TRIM27: variants seen among roughly 807,000 people sequenced by gnomAD.
The protein encoded by TRIM27 is zinc finger protein RFP.
In TRIM27, 12 loss-of-function variants were observed where a neutral mutation model predicts 57.6. The ratio of observed to expected loss-of-function variants is 0.21; its 90% confidence interval spans 0.13 to 0.34. TRIM27 has a LOEUF of 0.34. Ranked by LOEUF, TRIM27 falls within the 10% of genes least tolerant of loss-of-function variation. The pLI is 1.00. For missense variants in TRIM27, 403 were observed against 656.8 expected (o/e 0.61, Z 4.22); for synonymous variants, 266 against 259.0 (o/e 1.03, Z -0.26).
chr6:28,914,323 C>T (rs1177094548), intron 3 of TRIM27, among the ~76,000 whole-genome samples: 13 of 151,540 alleles, frequency 8.6e-5, no homozygotes, highest in South Asian at 6.2e-4. Context: ...TTAATAGCGA[C>T]GGGGTTTTGC....
intron 3 of TRIM27, among the ~76,000 whole-genome samples, chr6:28,914,187 G>C (rs949957399): frequency 2.7e-5 from 4 of 148,994 alleles, no homozygotes; most frequent in African/African-American, 7.5e-5. Flanking sequence ...CCAGGCTGGA[G>C]TGAAATGGTG....
intron 5 of TRIM27, 42 bp downstream of exon 5, chr6:28,908,931 G>A (rs370557223): frequency 6.9e-5 from 110 of 1,599,044 alleles, no homozygotes; most frequent in Non-Finnish European, 9.3e-5. Context: ...CAGATACTCA[G>A]TATAAATCCA....
chr6:28,916,269 T>C (rs1267110188), intron 3 of TRIM27, among the ~76,000 whole-genome samples: 2 of 151,820 alleles, frequency 1.3e-5, no homozygotes, highest in African/African-American at 4.8e-5. Context: ...TGCTAAGTGA[T>C]AGGCCGGGCG....
chr6:28,912,158 G>T (rs959531807), intron 3 of TRIM27, among the ~76,000 whole-genome samples: 11 of 148,448 alleles, frequency 7.4e-5, no homozygotes, highest in African/African-American at 2.7e-4. Flanking sequence ...AGCCCAGGCT[G>T]GAGTGCAATG....
In TRIM27 at chr6:28,920,198, C is replaced by T; in HGVS notation, c.561G>A (p.Glu187=). The T allele has an allele frequency of 1.2e-6, 2 of 1,613,256 alleles. No individual in the cohort carries two copies. Among genetic ancestry groups the T allele is most frequent in the Non-Finnish European group, 1.7e-6 (2 of 1,179,346 alleles). ...GCTCCTTTAAGGAGTGATACAGCTG[C>T]TCAAACTCCCAAACAATCTTCTCCC... The part of the protein sequence containing the change: ...MEREKIVWEF[E]QLYHSLKEHE... The change falls in exon 3 of 8, where the codon GAG becomes GAA. Residue 187 remains glutamate, a synonymous_variant. Transcript: ENST00000377199.
intron 6 of TRIM27, chr6:28,907,732 ATTATCCCACTAAGACT>A (rs1562151766): frequency 2.5e-6 from 1 of 401,992 alleles, no homozygotes; most frequent in Admixed American, 3.5e-5. Context: ...TTTCTCACAC[ATTATCCCACTAAGACT>A]TTTAAGTGGC....
At chr6:28,911,590 G>T in intron 4 of TRIM27, 106 bp downstream of exon 4, 2 of 1,131,366 alleles carry the variant, frequency 1.8e-6, no homozygotes, top group South Asian at 1.4e-5. Context: ...GTGTCAATTT[G>T]ATAAGATGTC....
At chr6:28,921,186 G>A (rs1454326006) in intron 2 of TRIM27, among the ~76,000 whole-genome samples, 8 of 152,052 alleles carry the variant, frequency 5.3e-5, no homozygotes, top group Non-Finnish European at 1.2e-4. Flanking sequence ...TTCGAGACCA[G>A]CCTAACCAAC....
At chr6:28,918,808 G>A (rs1410149069) in intron 3 of TRIM27, among the ~76,000 whole-genome samples, 1 of 151,788 alleles carries the variant, frequency 6.6e-6, no homozygotes, top group Non-Finnish European at 1.5e-5. Flanking sequence ...CCCAGGAGGC[G>A]GAGGTTGCAG....
chr6:28,904,760 T>C lies in TRIM27; in HGVS notation c.947-95A>G. On this transcript the variant is annotated intron_variant, in intron 7 of 7. Coordinates refer to ENST00000377199, the MANE Select transcript of TRIM27 (RefSeq NM_006510.5). The surrounding 1 kb of genome is among the most constrained non-coding windows in gnomAD (Gnocchi z 6.1). ...CTACTACCTCCCCAATAATAAGAGG[T>C]TCCCACTGGAGGTTGCACGTATTTT... The C allele has an allele frequency of 1.2e-6, 1 of 824,882 alleles. No individual in the cohort carries two copies. Among genetic ancestry groups the C allele is most frequent in the Non-Finnish European group, 1.9e-6 (1 of 540,238 alleles). 51.1% of individuals were successfully genotyped at this position (824,882 alleles called of 1,614,324 possible).
In TRIM27 at chr6:28,908,273, T is replaced by C. The variant is rs116339535; in HGVS notation, c.919+535A>G. ...CCTCAGGAGGTAAGAACTATTACTG[T>C]TCTGTTACAGATGAGGAAATTACTT... On this transcript the variant is annotated intron_variant, in intron 6 of 7. Transcript: ENST00000377199. The C allele has an allele frequency of 5.5e-3, 860 of 156,646 alleles. 6 individuals are homozygous for C. The highest frequency in any genetic ancestry group is 0.019 in the African/African-American group (779 of 41,598). The allele number at this position is 156,646 out of a possible 1,614,324, so 9.7% of individuals were successfully genotyped here. A position where few individuals can be genotyped will look rare whatever the true frequency, so the allele number is the denominator to read the frequency against.
intron 2 of TRIM27, 138 bp downstream of exon 2, chr6:28,921,754 C>T: frequency 2.8e-6 from 2 of 718,294 alleles, no homozygotes; most frequent in Non-Finnish European, 4.9e-6. Context: ...CGGGTGAGTT[C>T]CCACTGCCAT....
chr6:28,913,027 G>A (rs953175829), intron 3 of TRIM27, among the ~76,000 whole-genome samples: 11 of 151,952 alleles, frequency 7.2e-5, no homozygotes, highest in Admixed American at 1.3e-4. Flanking sequence ...AGGTCCAGGC[G>A]GGCGGATCAC....
chr6:28,908,897 T>C (rs1255766724), intron 5 of TRIM27, 57 bp from the exon 6 acceptor site: 6 of 1,608,526 alleles, frequency 3.7e-6, no homozygotes, highest in Non-Finnish European at 5.1e-6. Context: ...GGCTGGAAAA[T>C]TATCCTCTTC....
At chr6:28,916,303 A>G (rs779418539) in intron 3 of TRIM27, among the ~76,000 whole-genome samples, 1 of 152,070 alleles carries the variant, frequency 6.6e-6, no homozygotes, top group Non-Finnish European at 1.5e-5. Context: ...CTGTAATCCC[A>G]ATACTTTGGG....
At chr6:28,910,149 GA>G (rs1173983099) in intron 4 of TRIM27, among the ~76,000 whole-genome samples, 1 of 117,412 alleles carries the variant, frequency 8.5e-6, no homozygotes, top group East Asian at 2.4e-4. Context: ...AAAAAACGAA[GA>G]AAAAAAGGTA....
At chr6:28,913,973 T>C (rs1773410608) in intron 3 of TRIM27, among the ~76,000 whole-genome samples, 1 of 147,948 alleles carries the variant, frequency 6.8e-6, no homozygotes, top group Non-Finnish European at 1.5e-5. Context: ...TAGTATCTAG[T>C]AGGGCCAGTT....
In TRIM27 at chr6:28,923,467, A is replaced by C; in HGVS notation, c.166T>G (p.Cys56Gly). ...TGCCTCTGCGGGAAGGTCTCCCGGC[A>C]CTGCGGGCACGACACGTTAGTCTCT... ...TAETNVSCPQCRETFPQRHMR... is the reference protein window; with the variant it reads ...TAETNVSCPQGRETFPQRHMR... Residue 56 changes from cysteine (C) to glycine (G), a missense_variant, in exon 1 of 8, where the codon TGC (cysteine) becomes GGC (glycine). Cys to Gly is a radical substitution (Grantham distance 159, BLOSUM62 -3). Transcript: ENST00000377199. The C allele has an allele frequency of 6.2e-7, 1 of 1,612,174 alleles. No individual in the cohort carries two copies. Among genetic ancestry groups the C allele is most frequent in the Non-Finnish European group, 8.5e-7 (1 of 1,179,576 alleles).
intron 1 of TRIM27, among the ~76,000 whole-genome samples, chr6:28,922,839 A>G (rs1774149993): frequency 2.0e-5 from 3 of 152,224 alleles, no homozygotes. Flanking sequence ...TAAGTCAGTT[A>G]ACGTCCAACT....
Sources: allele counts gnomAD v4.1 joint callset (sites outside exome capture counted in the v4.1 genomes callset), GRCh38; gene constraint gnomAD v4.1.1; non-coding constraint Gnocchi (gnomAD v3.1); transcripts MANE v1.5; gene names NCBI Gene and HGNC (gene_info 2026-07-23, HGNC 2026-07-21).